GRIK1: variants seen among roughly 807,000 people sequenced by gnomAD.
GRIK1 encodes the protein glutamate ionotropic receptor kainate type subunit 1, also known as glutamate receptor ionotropic, kainate 1.
Under a neutral mutation model 105.7 loss-of-function variants are expected in GRIK1, and 69 were observed. The observed-to-expected ratio is 0.65, with a 90% CI of 0.54 to 0.80. The LOEUF is 0.80. Among genes scored for constraint, GRIK1 ranks in the 30% least tolerant of loss-of-function variants. The probability of loss-of-function intolerance (pLI) is 0.00; values close to 1 mark genes in which losing one functional copy is unlikely to be tolerated. For missense variants in GRIK1, 1,109 were observed against 1,167.3 expected (o/e 0.95, Z 0.73); for synonymous variants, 438 against 431.3 (o/e 1.02, Z -0.19).
chr21:29,606,258 A>G (rs557297543), intron 7 of GRIK1, among the ~76,000 whole-genome samples: 2 of 152,138 alleles, frequency 1.3e-5, no homozygotes, highest in African/African-American at 4.8e-5. Flanking sequence ...GTATTGACCT[A>G]TCGGACATTG....
At chr21:29,713,318 TAAAC>T (rs2064102270) in intron 1 of GRIK1, among the ~76,000 whole-genome samples, 1 of 152,210 alleles carries the variant, frequency 6.6e-6, no homozygotes, top group African/African-American at 2.4e-5. Context: ...CTATTTAGTT[TAAAC>T]TAATTTGATT....
chr21:29,758,594 G>A (rs1232929159), intron 1 of GRIK1, among the ~76,000 whole-genome samples: 4 of 152,124 alleles, frequency 2.6e-5, no homozygotes, highest in Non-Finnish European at 4.4e-5. Flanking sequence ...ATATCACAGG[G>A]ATTATAACAA....
chr21:29,791,524 A>G (rs1001215233), intron 1 of GRIK1, among the ~76,000 whole-genome samples: 4 of 152,120 alleles, frequency 2.6e-5, no homozygotes, highest in African/African-American at 7.2e-5. Flanking sequence ...GGGGAATTTA[A>G]ATAGTATAGT....
intron 1 of GRIK1, among the ~76,000 whole-genome samples, chr21:29,937,495 C>A (rs779683616): frequency 1.3e-5 from 2 of 152,134 alleles, no homozygotes; most frequent in East Asian, 1.9e-4. Flanking sequence ...ACTACTTTTA[C>A]GTAGATGATT....
intron 1 of GRIK1, among the ~76,000 whole-genome samples, chr21:29,774,864 T>G (rs1364599528): frequency 6.6e-6 from 1 of 152,220 alleles, no homozygotes; most frequent in Non-Finnish European, 1.5e-5. Context: ...CTGAGCTTGG[T>G]TTCATGCCCT....
At chr21:29,683,428 A>G (rs551193818) in intron 3 of GRIK1, among the ~76,000 whole-genome samples, 4 of 152,402 alleles carry the variant, frequency 2.6e-5, no homozygotes, top group African/African-American at 7.2e-5. Context: ...TACACACCAC[A>G]GAATACTATG....
chr21:29,867,877 A>G (rs1392598469), intron 1 of GRIK1, among the ~76,000 whole-genome samples: 1 of 15,018 alleles, frequency 6.7e-5, no homozygotes, highest in East Asian at 1.8e-3. Context: ...AAAGAGAGAA[A>G]GAGAGAGAAA....
intron 3 of GRIK1, among the ~76,000 whole-genome samples, chr21:29,687,294 G>A (rs2063503340): frequency 6.6e-6 from 1 of 152,052 alleles, no homozygotes; most frequent in African/African-American, 2.4e-5. Context: ...TGTAGGGGCG[G>A]GTGCTAAGCA....
chr21:29,888,161 T>TCTTTCTTTCTTTCTTTCTTTCTTTC (rs1555905460), intron 1 of GRIK1, among the ~76,000 whole-genome samples: 11 of 7,306 alleles, frequency 1.5e-3, no homozygotes, highest in African/African-American at 3.3e-3. Flanking sequence ...CTCCTTTCTT[T>TCTTTCTTTCTTTCTTTCTTTCTTTC]TTTCTTTCTT....
chr21:29,890,026 C>A (rs1043107552), intron 1 of GRIK1, among the ~76,000 whole-genome samples: 1 of 152,042 alleles, frequency 6.6e-6, no homozygotes, highest in African/African-American at 2.4e-5. Context: ...TGTATCTACC[C>A]TAAATTCAAG....
chr21:29,908,476 G>A (rs949342686), intron 1 of GRIK1, among the ~76,000 whole-genome samples: 8 of 152,054 alleles, frequency 5.3e-5, no homozygotes, highest in African/African-American at 7.2e-5. Flanking sequence ...AAAGGAAGCC[G>A]AACAGCAGAG....
intron 4 of GRIK1, among the ~76,000 whole-genome samples, chr21:29,661,277 T>A (rs2062957018): frequency 6.6e-6 from 1 of 152,192 alleles, no homozygotes; most frequent in South Asian, 2.1e-4. Context: ...CAAATAATGG[T>A]TCTCTAAAGA....
At chr21:29,619,964 T>A (rs540526315) in intron 7 of GRIK1, among the ~76,000 whole-genome samples, 18 of 152,306 alleles carry the variant, frequency 1.2e-4, no homozygotes, top group Admixed American at 1.0e-3. Flanking sequence ...TATCTAAGCA[T>A]CAAAGGATGA....
chr21:29,764,935 C>A (rs1434467378), intron 1 of GRIK1, among the ~76,000 whole-genome samples: 1 of 152,136 alleles, frequency 6.6e-6, no homozygotes, highest in Non-Finnish European at 1.5e-5. Flanking sequence ...CTTCAATTCC[C>A]AGACTATTTA....
At chr21:29,606,867 A>T (rs1232485714) in intron 7 of GRIK1, among the ~76,000 whole-genome samples, 1 of 152,248 alleles carries the variant, frequency 6.6e-6, no homozygotes, top group African/African-American at 2.4e-5. Context: ...TCAGTCGAGA[A>T]GTGCCTTACC....
In GRIK1 at chr21:29,587,513, A is replaced by G. The variant is rs1341415025; in HGVS notation, c.1646T>C (p.Met549Thr). 12 of 1,613,610 alleles carry G rather than the reference A, an allele frequency of 7.4e-6. No individual in the cohort carries two copies. Among genetic ancestry groups the G allele is most frequent in the Admixed American group, 5.0e-5 (3 of 60,000 alleles). ...GTAGAGAATGCTGATGCCTAGGGTC[A>G]TGAAGGGTTTGGAGAAGTCAATGAC... is the stretch of plus-strand genomic sequence containing the variant. ...EKVIDFSKPF[M>T]TLGISILYRK... Residue 549 changes from methionine (M) to threonine (T), a missense_variant, in exon 12 of 18, where the codon ATG becomes ACG. Coordinates refer to ENST00000327783, the MANE Select transcript of GRIK1 (RefSeq NM_001330994.2).
intron 1 of GRIK1, among the ~76,000 whole-genome samples, chr21:29,737,742 T>A (rs895401626): frequency 6.6e-6 from 1 of 152,134 alleles, no homozygotes; most frequent in African/African-American, 2.4e-5. Context: ...AGGATGGAGG[T>A]CACGTGAAGG....
At chr21:29,904,524 TG>T (rs993826348) in intron 1 of GRIK1, among the ~76,000 whole-genome samples, 8 of 152,206 alleles carry the variant, frequency 5.3e-5, no homozygotes, top group Non-Finnish European at 1.5e-5. Context: ...ATGGATAGAC[TG>T]ATCAGTGCAG....
At chr21:29,740,156 C>T (rs1470232315) in intron 1 of GRIK1, among the ~76,000 whole-genome samples, 23 of 152,016 alleles carry the variant, frequency 1.5e-4, no homozygotes, top group Admixed American at 1.5e-3. Flanking sequence ...ATAATAGCAT[C>T]AATCCCCCAC....
Sources: gnomAD v4.1 joint callset for allele counts (sites outside exome capture counted in the v4.1 genomes callset) on GRCh38, gnomAD v4.1.1 for gene constraint, MANE v1.5 for transcripts, NCBI Gene and HGNC (gene_info 2026-07-23, HGNC 2026-07-21) for gene names.